LRRC4C: variants seen among roughly 807,000 people sequenced by gnomAD.
The protein encoded by LRRC4C is leucine rich repeat containing 4C.
In LRRC4C, 5 loss-of-function variants were observed where a neutral mutation model predicts 33.6. The observed-to-expected ratio is 0.15, with a 90% confidence interval of 0.08 to 0.31. The LOEUF (loss-of-function observed/expected upper bound fraction) is 0.31, where lower values mean the gene tolerates loss of function less well. LRRC4C is among the 10% of genes least tolerant of loss of function. The probability of loss-of-function intolerance (pLI) is 1.00; values close to 1 mark genes in which losing one functional copy is unlikely to be tolerated. For synonymous variants in LRRC4C, 329 were observed against 302.0 expected, an observed-to-expected ratio of 1.09 and a Z score of -0.93; for missense variants, 560 against 796.7, an observed-to-expected ratio of 0.70 and a Z score of 3.58.
rs182110128 is a variant in LRRC4C, at chr11:41,309,349, G to T, written c.-496+150082C>A. On this transcript the variant is annotated intron_variant, in intron 1 of 6. Coordinates refer to ENST00000528697, the MANE Select transcript of LRRC4C (RefSeq NM_001258419.2). Reference sequence around the variant, plus strand: ...AGCAGCAATTACCATCCACTAAGAAGGCTGAGGATGGTGAAGAAGATAGCA... The same window carrying T: ...AGCAGCAATTACCATCCACTAAGAATGCTGAGGATGGTGAAGAAGATAGCA... 4.6e-5 allele frequency among the ~76,000 whole-genome samples: 7 copies of T among 152,314 alleles called. No homozygotes were observed. The East Asian group carries it at 1.4e-3, about 29-fold the overall frequency.
chr11:40,458,420 T>C (rs1004325604), intron 3 of LRRC4C, among the ~76,000 whole-genome samples: 2 of 152,214 alleles, frequency 1.3e-5, no homozygotes, highest in Non-Finnish European at 2.9e-5. Context: ...ACTCCTTCAA[T>C]GACCATCAAG....
rs1165449408 is a variant in LRRC4C at position 41,043,217 on chromosome 11, TC to T, written c.-495-109495del. ...TTGATTCTCAGAGGCTGAGTTGGAC[TC>T]CCAAATGGGCAGATCATAGATAGGA... On this transcript the variant is annotated intron_variant, in intron 1 of 6. Coordinates refer to ENST00000528697, the MANE Select transcript of LRRC4C (RefSeq NM_001258419.2). 2.0e-5 allele frequency among the ~76,000 whole-genome samples: 3 copies of T among 151,838 alleles called. No homozygotes were observed. In the East Asian group the frequency reaches 5.8e-4, roughly 29 times the overall value.
chr11:40,883,968 C>T (rs1011995293), intron 2 of LRRC4C, among the ~76,000 whole-genome samples: 3 of 151,062 alleles, frequency 2.0e-5, no homozygotes, highest in African/African-American at 7.3e-5. Flanking sequence ...CATAGGTATA[C>T]ATATGCTATG....
intron 1 of LRRC4C, among the ~76,000 whole-genome samples, chr11:41,029,150 C>A (rs938553244): frequency 2.6e-5 from 4 of 151,694 alleles, no homozygotes; most frequent in African/African-American, 9.7e-5. Context: ...CCAAACTAGT[C>A]GACTACATTA....
intron 1 of LRRC4C, among the ~76,000 whole-genome samples, chr11:41,061,601 A>G (rs965090368): frequency 6.6e-6 from 1 of 152,212 alleles, no homozygotes; most frequent in Non-Finnish European, 1.5e-5. Context: ...CAAGTTTCTT[A>G]AATCTTTCTA....
chr11:41,105,764 T>C (rs1278661804), intron 1 of LRRC4C, among the ~76,000 whole-genome samples: 2 of 152,014 alleles, frequency 1.3e-5, no homozygotes, highest in Non-Finnish European at 2.9e-5. Context: ...AGCTTCCCAG[T>C]GGAAAGAGAC....
chr11:40,379,691 TC>T (rs1450063579), intron 3 of LRRC4C, among the ~76,000 whole-genome samples: 1 of 152,216 alleles, frequency 6.6e-6, no homozygotes, highest in Non-Finnish European at 1.5e-5. Context: ...TGTTAGTTTA[TC>T]AGTCTTCATA....
intron 2 of LRRC4C, among the ~76,000 whole-genome samples, chr11:40,759,215 TC>T (rs1949081030): frequency 6.8e-6 from 1 of 147,110 alleles, no homozygotes; most frequent in African/African-American, 2.5e-5. Context: ...ATATATATAA[TC>T]GTCCATATAT....
chr11:40,291,254 G>C (rs1944174625), intron 4 of LRRC4C, among the ~76,000 whole-genome samples: 1 of 152,166 alleles, frequency 6.6e-6, no homozygotes, highest in East Asian at 1.9e-4. Context: ...CAGGCGCTCA[G>C]ACTTTCTAAG....
chr11:40,876,067 T>C (rs1954872431), intron 2 of LRRC4C, among the ~76,000 whole-genome samples: 1 of 152,090 alleles, frequency 6.6e-6, no homozygotes, highest in South Asian at 2.1e-4. Context: ...TTTTCAGTAT[T>C]TTTGTGGCAT....
At chr11:40,819,535 T>C (rs1326294925) in intron 2 of LRRC4C, among the ~76,000 whole-genome samples, 1 of 152,240 alleles carries the variant, frequency 6.6e-6, no homozygotes, top group Middle Eastern at 3.4e-3. Context: ...GAAATTACAA[T>C]GGATTTTCAA....
chr11:41,390,623 G>T (rs115099180), intron 1 of LRRC4C, among the ~76,000 whole-genome samples: 1,648 of 151,788 alleles, frequency 0.011, 30 homozygotes, highest in African/African-American at 0.037. Flanking sequence ...TCATTCCTTA[G>T]GTGTCAAATT....
At position 40,231,997 on chromosome 11, in the gene LRRC4C, G is replaced by T. The variant is rs546673935; in HGVS notation, c.-96+9522C>A. 2.0e-5 allele frequency among the ~76,000 whole-genome samples: 3 copies of T among 152,216 alleles called. No individual in the cohort carries two copies. In the South Asian group the frequency reaches 6.2e-4, roughly 32 times the overall value. ...AAATGGAAACAGAAGAGTCAACTTT[G>T]TCTTTTAGCTAGGTAGTTTGTTTCT... On this transcript the variant is annotated intron_variant, in intron 5 of 6. Transcript: ENST00000528697.
chr11:41,084,601 C>T (rs1458859424), intron 1 of LRRC4C, among the ~76,000 whole-genome samples: 1 of 152,112 alleles, frequency 6.6e-6, no homozygotes, highest in Non-Finnish European at 1.5e-5. Flanking sequence ...GTAATCACAG[C>T]ACTTTGGGAG....
At chr11:40,841,584 G>T (rs1952915849) in intron 2 of LRRC4C, among the ~76,000 whole-genome samples, 1 of 152,200 alleles carries the variant, frequency 6.6e-6, no homozygotes, top group Non-Finnish European at 1.5e-5. Context: ...CCATCTGTAA[G>T]CCAGGGAGAG....
intron 4 of LRRC4C, among the ~76,000 whole-genome samples, chr11:40,307,643 A>G (rs1945107672): frequency 6.6e-6 from 1 of 152,184 alleles, no homozygotes; most frequent in African/African-American, 2.4e-5. Flanking sequence ...TGAAAACTGC[A>G]TGAGAATGAG....
At chr11:40,940,349 C>T (rs943571014) in intron 1 of LRRC4C, among the ~76,000 whole-genome samples, 1 of 152,066 alleles carries the variant, frequency 6.6e-6, no homozygotes, top group African/African-American at 2.4e-5. Flanking sequence ...GAATATTGTA[C>T]TATCTTCATT....
intron 3 of LRRC4C, among the ~76,000 whole-genome samples, chr11:40,405,608 CAAA>C (rs71060958): frequency 1.4e-5 from 1 of 70,850 alleles, no homozygotes. Context: ...ACACTCTATC[CAAA>C]AAAAAAAAAA....
chr11:40,381,892 A>C (rs1478297385), intron 3 of LRRC4C, among the ~76,000 whole-genome samples: 1 of 150,212 alleles, frequency 6.7e-6, no homozygotes. Context: ...CTATGATTTT[A>C]GGGAGTAATA....
Sources: allele counts gnomAD v4.1 joint callset (sites outside exome capture counted in the v4.1 genomes callset), GRCh38; gene constraint gnomAD v4.1.1; transcripts MANE v1.5; gene names NCBI Gene and HGNC (gene_info 2026-07-23, HGNC 2026-07-21).